The following SHISA9 variants were observed in gnomAD, a reference collection of about 807,000 sequenced individuals.
SHISA9 encodes the protein shisa family member 9.
In SHISA9, 13 loss-of-function variants were observed where a neutral mutation model predicts 38.0. That is an observed-to-expected ratio of 0.34 (90% CI 0.22 to 0.54). The LOEUF (loss-of-function observed/expected upper bound fraction) is 0.54, where lower values mean the gene tolerates loss of function less well. Ranked by LOEUF, SHISA9 falls within the 20% of genes least tolerant of loss-of-function variation. The pLI, the probability that SHISA9 is intolerant of heterozygous loss-of-function variation, is 0.91. For synonymous variants in SHISA9, 275 were observed against 242.0 expected (o/e 1.14, Z -1.27); for missense variants, 538 against 575.8 (o/e 0.93, Z 0.67).
At chr16:12,999,815 T>C (rs2072501858) in intron 2 of SHISA9, among the ~76,000 whole-genome samples, 1 of 152,186 alleles carries the variant, frequency 6.6e-6, no homozygotes, top group South Asian at 2.1e-4. Flanking sequence ...ATGGAGGATA[T>C]ACTCCTGCTT....
chr16:13,530,795 G>A, the SHISA9 span, among the ~76,000 whole-genome samples: 1 of 152,132 alleles, frequency 6.6e-6, no homozygotes, highest in Non-Finnish European at 1.5e-5. Flanking sequence ...TAGCTCCAAG[G>A]GTGACCTGAT....
chr16:13,090,847 G>A (rs1456079090), intron 2 of SHISA9, among the ~76,000 whole-genome samples: 2 of 152,132 alleles, frequency 1.3e-5, no homozygotes, highest in Non-Finnish European at 2.9e-5. Flanking sequence ...TATGATGTTC[G>A]CTGGTTGTTT....
At chr16:13,296,875 G>C in the SHISA9 span, among the ~76,000 whole-genome samples, 1 of 91,720 alleles carries the variant, frequency 1.1e-5, no homozygotes, top group Admixed American at 1.9e-4. Context: ...TAGGTGACAA[G>C]AGGGAAACTC....
chr16:13,479,262 T>C, the SHISA9 span, among the ~76,000 whole-genome samples: 11 of 152,276 alleles, frequency 7.2e-5, no homozygotes, highest in African/African-American at 2.6e-4. Context: ...TCCAAGATAA[T>C]CTCCCTGTCT....
the SHISA9 span, among the ~76,000 whole-genome samples, chr16:13,327,598 A>G: frequency 6.6e-6 from 1 of 151,968 alleles, no homozygotes; most frequent in African/African-American, 2.4e-5. Flanking sequence ...CCTGGGTGAC[A>G]GGGCAAGACT....
At chr16:12,935,719 G>A (rs1408930081) in intron 2 of SHISA9, among the ~76,000 whole-genome samples, 20 of 152,002 alleles carry the variant, frequency 1.3e-4, no homozygotes, top group Admixed American at 1.0e-3. Flanking sequence ...ATGGTGGCAC[G>A]TGCCTGTGGT....
At chr16:13,527,327 G>A in the SHISA9 span, among the ~76,000 whole-genome samples, 1 of 152,190 alleles carries the variant, frequency 6.6e-6, no homozygotes, top group Non-Finnish European at 1.5e-5. Flanking sequence ...GGTTCTAGTG[G>A]GAGCCGCCAT....
At chr16:13,155,139 A>G (rs17832470) in intron 2 of SHISA9, among the ~76,000 whole-genome samples, 3,646 of 152,334 alleles carry the variant, frequency 0.024, 54 homozygotes, top group South Asian at 0.041. Flanking sequence ...TTGCAATGCA[A>G]TGAAATGAAA....
the SHISA9 span, among the ~76,000 whole-genome samples, chr16:13,401,623 A>C: frequency 6.6e-6 from 1 of 151,092 alleles, no homozygotes; most frequent in Non-Finnish European, 1.5e-5. Flanking sequence ...ACAGCTTTCT[A>C]TTCCCCCCGT....
chr16:12,981,109 A>T (rs1261105296), intron 2 of SHISA9, among the ~76,000 whole-genome samples: 1 of 152,172 alleles, frequency 6.6e-6, no homozygotes, highest in Non-Finnish European at 1.5e-5. Context: ...TTGTGAGCTC[A>T]CTTTACCCTG....
At chr16:13,469,386 AAAGAAAG>A in the SHISA9 span, among the ~76,000 whole-genome samples, 3 of 97,616 alleles carry the variant, frequency 3.1e-5, no homozygotes, top group African/African-American at 1.1e-4. Flanking sequence ...AGAAAGAAAG[AAAGAAAG>A]AAAGAAAGAA....
the SHISA9 span, among the ~76,000 whole-genome samples, chr16:13,403,349 A>G: frequency 6.6e-6 from 1 of 152,198 alleles, no homozygotes; most frequent in Non-Finnish European, 1.5e-5. Flanking sequence ...TAGCTCTTTT[A>G]TTCCTGATTG....
chr16:13,471,862 T>A, the SHISA9 span, among the ~76,000 whole-genome samples: 1 of 152,114 alleles, frequency 6.6e-6, no homozygotes, highest in East Asian at 1.9e-4. Flanking sequence ...GGTCAGCTAG[T>A]GTTATAGCAA....
the SHISA9 span, among the ~76,000 whole-genome samples, chr16:13,353,249 A>G: frequency 2.0e-5 from 3 of 152,216 alleles, no homozygotes; most frequent in East Asian, 1.9e-4. Context: ...GTATAGAATG[A>G]TTGGTGATGG....
At chr16:13,448,191 T>C in the SHISA9 span, among the ~76,000 whole-genome samples, 221 of 152,272 alleles carry the variant, frequency 1.5e-3, 1 homozygote, top group African/African-American at 4.1e-3. Flanking sequence ...AAAATTTTCA[T>C]TGGAGTGCTT....
chr16:13,143,633 T>TAAG (rs1318003924), intron 2 of SHISA9, among the ~76,000 whole-genome samples: 1 of 152,138 alleles, frequency 6.6e-6, no homozygotes, highest in Non-Finnish European at 1.5e-5. Context: ...TAAACCATCA[T>TAAG]GCAAATATAT....
At chr16:13,101,532 C>T (rs1026345477) in intron 2 of SHISA9, among the ~76,000 whole-genome samples, 2 of 152,254 alleles carry the variant, frequency 1.3e-5, no homozygotes, top group East Asian at 3.9e-4. Context: ...CCAATCTGGC[C>T]AACAATCATG....
chr16:13,005,071 C>A (rs1052664972), intron 2 of SHISA9, among the ~76,000 whole-genome samples: 1 of 151,850 alleles, frequency 6.6e-6, no homozygotes, highest in East Asian at 1.9e-4. Flanking sequence ...TGTCCTGGAT[C>A]TCTGGGTTAG....
At chr16:13,101,711 C>G (rs2073880488) in intron 2 of SHISA9, among the ~76,000 whole-genome samples, 2 of 152,170 alleles carry the variant, frequency 1.3e-5, no homozygotes, top group Admixed American at 1.3e-4. Flanking sequence ...ATACTGTTTT[C>G]CATAGTAGCT....
Sources: allele counts gnomAD v4.1 joint callset (sites outside exome capture counted in the v4.1 genomes callset), GRCh38; gene constraint gnomAD v4.1.1; transcripts MANE v1.5; gene names NCBI Gene and HGNC (gene_info 2026-07-23, HGNC 2026-07-21).